Variants in TMCO1 observed in about 807,000 individuals in gnomAD.
TMCO1 encodes transmembrane and coiled-coil domains 1.
A neutral mutation model predicts 29.3 loss-of-function variants in TMCO1; 29 were observed. That is an observed-to-expected ratio of 0.99 (90% confidence interval 0.74 to 1.35). The LOEUF is 1.35. TMCO1 is among the 40% of genes most tolerant of loss of function. The pLI is 0.00. For missense variants in TMCO1, 173 were observed against 225.5 expected, an observed-to-expected ratio of 0.77 and a Z score of 1.49; for synonymous variants, 80 against 77.1, an observed-to-expected ratio of 1.04 and a Z score of -0.20.
chr1:165,739,122 C>T (rs1034587308), intron 6 of TMCO1, among the ~76,000 whole-genome samples: 24 of 152,134 alleles, frequency 1.6e-4, no homozygotes, highest in Non-Finnish European at 3.1e-4. Flanking sequence ...CCCACCTCCC[C>T]CTCTTTTTTG....
In TMCO1 at chr1:165,743,387, G is replaced by A; in HGVS notation, c.324-76C>T. The A allele has an allele frequency of 4.7e-6, 7 of 1,486,654 alleles. No homozygotes were observed. In the South Asian group the frequency reaches 7.2e-5, roughly 15 times the overall value. The allele number at this position is 1,486,654 out of a possible 1,614,324, so 92.1% of individuals were successfully genotyped here. ...TTTCTTACTTCCAAAGAAGAATCTG[G>A]GACAGAAATAGAGCTTTAAGTCTCT... On this transcript the variant is annotated intron_variant, in intron 5 of 6. Coordinates refer to ENST00000367881, the MANE Select transcript of TMCO1 (RefSeq NM_019026.6).
At chr1:165,743,906 G>A (rs1029941408) in intron 5 of TMCO1, among the ~76,000 whole-genome samples, 3 of 150,812 alleles carry the variant, frequency 2.0e-5, no homozygotes, top group African/African-American at 7.3e-5. Context: ...TGTCACTCAG[G>A]CCAGAGTGCA....
At position 165,727,810 on chromosome 1, in the gene TMCO1, C is replaced by T; in HGVS notation, c.*213G>A. The T allele has an allele frequency of 2.0e-6, 1 of 500,786 alleles. No individual in the cohort carries two copies. 31.0% of individuals were successfully genotyped at this position (500,786 alleles called of 1,614,324 possible). ...ATTACCTGAACTTAACTAATCAATC[C>T]ACTTATTTGATAAAAATCATCTAGG... On this transcript the variant is annotated 3_prime_UTR_variant, in exon 7 of 7. Transcript: ENST00000367881.
chr1:165,746,453 TCACACACACACACACACA>T (rs59467463), intron 5 of TMCO1, among the ~76,000 whole-genome samples: 1 of 132,326 alleles, frequency 7.6e-6, no homozygotes, highest in South Asian at 2.6e-4. Context: ...AAGACCTATA[TCACACACACACACACACA>T]CACACACACA....
At chr1:165,768,872 A>G (rs757837258), upstream of TMCO1, 6 of 1,561,052 alleles carry the variant, frequency 3.8e-6, no homozygotes, top group Admixed American at 7.7e-5. Flanking sequence ...CAACTCTGAC[A>G]GCCCGAAGAT....
chr1:165,724,955 A>C (rs1425047398), downstream of TMCO1: 1 of 449,498 alleles, frequency 2.2e-6, no homozygotes, highest in Non-Finnish European at 4.4e-6. Context: ...AAGGTGGAGG[A>C]TGGGTTACCT....
chr1:165,749,129 T>G (rs1045136272), intron 5 of TMCO1, among the ~76,000 whole-genome samples: 6 of 152,240 alleles, frequency 3.9e-5, no homozygotes, highest in Middle Eastern at 3.2e-3. Flanking sequence ...CAATTATGAA[T>G]AAACCTGCTA....
downstream of TMCO1, chr1:165,726,172 G>A (rs369933336): frequency 3.3e-4 from 227 of 693,984 alleles, no homozygotes; most frequent in East Asian, 4.8e-4. Context: ...ATTATCATTC[G>A]AATTATTATT....
At position 165,759,520 on chromosome 1, in the gene TMCO1, C is replaced by T. The variant is rs1558041440; in HGVS notation, c.208+5G>A. The T allele has an allele frequency of 6.2e-7, 1 of 1,609,118 alleles. No homozygotes were observed. The highest frequency in any genetic ancestry group is 1.1e-5 in the South Asian group (1 of 90,688). The stretch of plus-strand genomic sequence containing the variant: ...AATTTCATTTTGACTAATATCTCAT[C>T]TTACCTATTTTCTTTTTCTGTTGTC... On this transcript the variant is annotated splice_donor_5th_base_variant and intron_variant, in intron 3 of 6. Transcript: ENST00000367881.
At chr1:165,738,157 G>A (rs1201187549) in intron 6 of TMCO1, among the ~76,000 whole-genome samples, 1 of 152,196 alleles carries the variant, frequency 6.6e-6, no homozygotes, top group African/African-American at 2.4e-5. Context: ...GCTGGGTGTG[G>A]TGGCATGCAC....
intron 6 of TMCO1, among the ~76,000 whole-genome samples, chr1:165,734,084 C>T (rs886529279): frequency 7.2e-5 from 11 of 152,250 alleles, no homozygotes; most frequent in Non-Finnish European, 1.5e-4. Context: ...GGCAACCAGT[C>T]TTCACTTCCA....
At chr1:165,753,336 G>A (rs1652067403) in intron 4 of TMCO1, among the ~76,000 whole-genome samples, 1 of 151,868 alleles carries the variant, frequency 6.6e-6, no homozygotes, top group Non-Finnish European at 1.5e-5. Context: ...AGCCAGGCAT[G>A]GTGGCACACG....
In TMCO1 at chr1:165,727,984, T is replaced by C. The variant is rs757302422; in HGVS notation, c.*39A>G. 2.7e-6 allele frequency: 4 copies of C among 1,477,366 alleles called. No homozygotes were observed. The South Asian group carries it at 3.4e-5, about 13-fold the overall frequency. 91.5% of individuals were successfully genotyped at this position (1,477,366 alleles called of 1,614,324 possible). ...AACAGTTGCCAGTCTGATGTGTGTG[T>C]GTCTAGAAAGAATGATAGAAAATAA... On this transcript the variant is annotated 3_prime_UTR_variant, in exon 7 of 7. Coordinates refer to ENST00000367881, the MANE Select transcript of TMCO1 (RefSeq NM_019026.6).
intron 6 of TMCO1, among the ~76,000 whole-genome samples, chr1:165,741,360 T>C (rs1044361527): frequency 6.6e-6 from 1 of 152,236 alleles, no homozygotes; most frequent in South Asian, 2.1e-4. Flanking sequence ...TTGATATTTC[T>C]GTATTTTAGT....
chr1:165,764,362 G>C (rs546296808), intron 2 of TMCO1, among the ~76,000 whole-genome samples: 4 of 152,300 alleles, frequency 2.6e-5, no homozygotes, highest in African/African-American at 9.6e-5. Context: ...TTTTGTTGAG[G>C]AGAGAGACAT....
At chr1:165,756,846 A>G (rs562886947) in intron 3 of TMCO1, among the ~76,000 whole-genome samples, 3 of 150,730 alleles carry the variant, frequency 2.0e-5, no homozygotes, top group Admixed American at 2.0e-4. Flanking sequence ...TACTATATAT[A>G]CAAATATAGT....
At chr1:165,751,470 G>A (rs753416563) in intron 5 of TMCO1, among the ~76,000 whole-genome samples, 33 of 152,136 alleles carry the variant, frequency 2.2e-4, no homozygotes, top group Non-Finnish European at 3.2e-4. Flanking sequence ...TTGGGAGGCC[G>A]AGGCAGGTGA....
At chr1:165,732,388 CAAAAAA>C (rs34558487) in intron 6 of TMCO1, among the ~76,000 whole-genome samples, 1 of 89,734 alleles carries the variant, frequency 1.1e-5, no homozygotes, top group South Asian at 3.8e-4. Context: ...CATAAAGAAG[CAAAAAA>C]AAAAAAAAAA....
At chr1:165,763,387 G>A (rs1240756263) in intron 2 of TMCO1, among the ~76,000 whole-genome samples, 2 of 152,134 alleles carry the variant, frequency 1.3e-5, no homozygotes, top group African/African-American at 4.8e-5. Flanking sequence ...ACTTACTACA[G>A]TAAACTAAAC....
Sources: allele counts gnomAD v4.1 joint callset (sites outside exome capture counted in the v4.1 genomes callset), GRCh38; gene constraint gnomAD v4.1.1; transcripts MANE v1.5; gene names NCBI Gene and HGNC (gene_info 2026-07-23, HGNC 2026-07-21).